MAMDC2: variants seen among roughly 807,000 people sequenced by gnomAD.
The protein encoded by MAMDC2 is MAM domain-containing protein 2.
A neutral mutation model predicts 89.8 loss-of-function variants in MAMDC2; 57 were observed. The observed-to-expected ratio is 0.63, with a 90% CI of 0.51 to 0.79. The LOEUF (loss-of-function observed/expected upper bound fraction) is 0.79, where lower values mean the gene tolerates loss of function less well. MAMDC2 is among the 30% of genes least tolerant of loss of function. MAMDC2 has a pLI of 0.00. For missense variants in MAMDC2, 800 were observed against 820.6 expected, an observed-to-expected ratio of 0.97 and a Z score of 0.31; for synonymous variants, 313 against 293.4, an observed-to-expected ratio of 1.07 and a Z score of -0.68.
intron 9 of MAMDC2, among the ~76,000 whole-genome samples, chr9:70,164,891 C>A (rs888379780): frequency 2.0e-5 from 3 of 151,490 alleles, no homozygotes; most frequent in African/African-American, 7.3e-5. Context: ...CCTACTGTCT[C>A]AGCCTCCCAA....
chr9:70,185,029 A>T (rs960981355), intron 11 of MAMDC2, among the ~76,000 whole-genome samples: 65 of 152,052 alleles, frequency 4.3e-4, no homozygotes, highest in African/African-American at 1.4e-3. Flanking sequence ...TCTACCTTTG[A>T]TATTTGAAGT....
At chr9:70,124,751 G>A (rs2030452633) in intron 5 of MAMDC2, among the ~76,000 whole-genome samples, 1 of 152,116 alleles carries the variant, frequency 6.6e-6, no homozygotes, top group South Asian at 2.1e-4. Flanking sequence ...TATCACCCAG[G>A]CTGGAGTACA....
chr9:70,128,273 C>T (rs62570291), intron 6 of MAMDC2, among the ~76,000 whole-genome samples: 15 of 152,336 alleles, frequency 9.8e-5, no homozygotes, highest in Admixed American at 3.9e-4. Context: ...CTTTCCCCAC[C>T]GGCTCAGTGT....
intron 10 of MAMDC2, 113 bp downstream of exon 10, chr9:70,168,908 A>C: frequency 1.2e-6 from 1 of 860,950 alleles, no homozygotes; most frequent in Non-Finnish European, 1.8e-6. Flanking sequence ...GCTTTTGTTG[A>C]CAAAGTGTCT....
At chr9:70,183,365 C>T (rs746650385) in intron 11 of MAMDC2, among the ~76,000 whole-genome samples, 15 of 152,050 alleles carry the variant, frequency 9.9e-5, no homozygotes, top group African/African-American at 2.7e-4. Flanking sequence ...CTATTAGGTC[C>T]GCTTGGTCCA....
intron 2 of MAMDC2, chr9:70,092,369 A>G (rs1162708156): frequency 1.3e-5 from 2 of 152,230 alleles, no homozygotes; most frequent in Non-Finnish European, 2.9e-5. Context: ...CTTGAACTCA[A>G]TAAAGACTAT....
intron 11 of MAMDC2, among the ~76,000 whole-genome samples, chr9:70,215,298 C>T (rs1003286188): frequency 2.0e-5 from 3 of 152,162 alleles, no homozygotes; most frequent in Non-Finnish European, 4.4e-5. Context: ...ACTGACCACT[C>T]GAGTTCGTAA....
At chr9:70,136,716 G>C (rs1004991224) in intron 7 of MAMDC2, among the ~76,000 whole-genome samples, 3 of 152,218 alleles carry the variant, frequency 2.0e-5, no homozygotes, top group African/African-American at 7.2e-5. Context: ...GCACTTGGCA[G>C]TGCCACCCCA....
At chr9:70,210,699 TTAG>T (rs2033337829) in intron 11 of MAMDC2, among the ~76,000 whole-genome samples, 1 of 152,234 alleles carries the variant, frequency 6.6e-6, no homozygotes, top group Non-Finnish European at 1.5e-5. Flanking sequence ...ATTTTGTTCA[TTAG>T]TTGATGCAGT....
intron 9 of MAMDC2, among the ~76,000 whole-genome samples, chr9:70,161,020 A>G (rs1208497087): frequency 1.3e-5 from 2 of 152,162 alleles, no homozygotes; most frequent in Non-Finnish European, 2.9e-5. Context: ...GGGATCAGGA[A>G]GGGGTGTAAT....
chr9:70,122,723 C>A (rs1160009245), intron 5 of MAMDC2, among the ~76,000 whole-genome samples: 1 of 151,934 alleles, frequency 6.6e-6, no homozygotes, highest in Non-Finnish European at 1.5e-5. Context: ...CCTCTTTATG[C>A]CAATGTAGTA....
At chr9:70,055,334 A>G (rs1827004694) in intron 2 of MAMDC2, among the ~76,000 whole-genome samples, 1 of 152,208 alleles carries the variant, frequency 6.6e-6, no homozygotes, top group Non-Finnish European at 1.5e-5. Flanking sequence ...AGTATTTTAC[A>G]GATGAGAAAC....
At chr9:70,199,121 T>C (rs988309828) in intron 11 of MAMDC2, among the ~76,000 whole-genome samples, 1 of 151,006 alleles carries the variant, frequency 6.6e-6, no homozygotes, top group East Asian at 2.0e-4. Context: ...GTTAGTTACA[T>C]ATGTATACAT....
rs187472759 is a variant in MAMDC2, at chr9:70,211,887, G to A, written c.1652-6450G>A. Among the ~76,000 whole-genome samples, 308 of 152,326 alleles carry A rather than the reference G, an allele frequency of 2.0e-3. 1 individual carries two copies. Among genetic ancestry groups the A allele is most frequent in the Admixed American group, 3.7e-3 (56 of 15,306 alleles). ...TGCAGGTCTGTTGGAGTTTGCTGGA[G>A]GTCCACTCCAGACTCTGTTTGCCTG... is the stretch of plus-strand genomic sequence containing the variant. On this transcript the variant is annotated intron_variant, in intron 11 of 13. Transcript: ENST00000377182.
chr9:70,143,592 C>A lies in MAMDC2; in HGVS notation c.1177C>A (p.Pro393Thr). The change falls in exon 9 of 14, where the codon CCT (proline) becomes ACT (threonine). Residue 393 changes from proline (P) to threonine (T), a missense_variant. Coordinates refer to ENST00000377182, the MANE Select transcript of MAMDC2 (RefSeq NM_153267.5). Reference protein sequence around the residue: ...LLANTKFTSQPGYIGRLYGPS... With the variant: ...LLANTKFTSQTGYIGRLYGPS... Reference sequence around the variant, plus strand: ...AGCCAACACAAAGTTCACATCTCAGCCTGGCTACATTGGAAGGCTCTATGG... The same window carrying A: ...AGCCAACACAAAGTTCACATCTCAGACTGGCTACATTGGAAGGCTCTATGG... 1 of 1,614,134 alleles carries A rather than the reference C, an allele frequency of 6.2e-7. No individual in the cohort carries two copies. Among genetic ancestry groups the A allele is most frequent in the Non-Finnish European group, 8.5e-7 (1 of 1,179,996 alleles).
chr9:70,161,665 G>T (rs935673537), intron 9 of MAMDC2, among the ~76,000 whole-genome samples: 6 of 152,114 alleles, frequency 3.9e-5, no homozygotes, highest in African/African-American at 1.4e-4. Flanking sequence ...CATCCATTTT[G>T]CCAAGTATCT....
intron 2 of MAMDC2, among the ~76,000 whole-genome samples, chr9:70,068,566 A>G (rs2118069727): frequency 1.3e-5 from 2 of 151,992 alleles, no homozygotes; most frequent in East Asian, 3.9e-4. Context: ...AAAATACAAC[A>G]ACAACAACAA....
At chr9:70,159,420 C>T (rs1457531730) in intron 9 of MAMDC2, among the ~76,000 whole-genome samples, 4 of 133,696 alleles carry the variant, frequency 3.0e-5, no homozygotes, top group African/African-American at 1.1e-4. Flanking sequence ...AAGCTTTAAA[C>T]TGCAGCTCTT....
At chr9:70,059,034 G>T (rs1827087447) in intron 2 of MAMDC2, among the ~76,000 whole-genome samples, 1 of 152,178 alleles carries the variant, frequency 6.6e-6, no homozygotes. Context: ...TATGTTTCTT[G>T]ATCATCTTGA....
Sources: gnomAD v4.1 joint callset for allele counts (sites outside exome capture counted in the v4.1 genomes callset) on GRCh38, gnomAD v4.1.1 for gene constraint, MANE v1.5 for transcripts, NCBI Gene and HGNC (gene_info 2026-07-23, HGNC 2026-07-21) for gene names.